KCNB2: variants seen among roughly 807,000 people sequenced by gnomAD.
KCNB2 encodes potassium voltage-gated channel subfamily B member 2, also known as delayed rectifier potassium channel protein.
A neutral mutation model predicts 61.5 loss-of-function variants in KCNB2; 15 were observed. The observed-to-expected ratio is 0.24, with a 90% CI of 0.16 to 0.38. The LOEUF is 0.38. Among genes scored for constraint, KCNB2 ranks in the 10% least tolerant of loss-of-function variants. The probability of loss-of-function intolerance (pLI) is 1.00; values close to 1 mark genes in which losing one functional copy is unlikely to be tolerated. For missense variants in KCNB2, 828 were observed against 1,125.2 expected, an observed-to-expected ratio of 0.74 and a Z score of 3.78; for synonymous variants, 457 against 446.0, an observed-to-expected ratio of 1.02 and a Z score of -0.31.
intron 2 of KCNB2, among the ~76,000 whole-genome samples, chr8:72,815,251 C>T (rs143101754): frequency 6.0e-4 from 91 of 152,088 alleles, no homozygotes; most frequent in African/African-American, 2.0e-3. Context: ...TATTCTGAAA[C>T]GGTTTCTGGG....
chr8:72,717,777 C>A (rs1478248755), intron 2 of KCNB2, among the ~76,000 whole-genome samples: 2 of 152,164 alleles, frequency 1.3e-5, no homozygotes, highest in South Asian at 4.2e-4. Flanking sequence ...ACTAAAACAC[C>A]AAAAGCAATG....
intron 2 of KCNB2, among the ~76,000 whole-genome samples, chr8:72,578,870 C>T (rs1281974466): frequency 6.6e-6 from 1 of 152,182 alleles, no homozygotes; most frequent in Admixed American, 6.5e-5. Context: ...CACTTTGATG[C>T]ATACATTTAA....
At chr8:72,886,123 C>T (rs1805803229) in intron 2 of KCNB2, among the ~76,000 whole-genome samples, 1 of 152,170 alleles carries the variant, frequency 6.6e-6, no homozygotes, top group African/African-American at 2.4e-5. Context: ...TTAGATCAAA[C>T]TCAGTTTAAA....
chr8:72,703,445 TA>T (rs1369524270), intron 2 of KCNB2, among the ~76,000 whole-genome samples: 1 of 152,160 alleles, frequency 6.6e-6, no homozygotes, highest in Non-Finnish European at 1.5e-5. Flanking sequence ...GGTCTAGAGC[TA>T]GGGTGATCTT....
chr8:72,926,826 A>G (rs1347598937), intron 2 of KCNB2, among the ~76,000 whole-genome samples: 1 of 152,204 alleles, frequency 6.6e-6, no homozygotes, highest in Non-Finnish European at 1.5e-5. Context: ...GGCATTAAAA[A>G]TGTATTGTCT....
At chr8:72,913,568 A>G (rs1806338589) in intron 2 of KCNB2, among the ~76,000 whole-genome samples, 1 of 152,132 alleles carries the variant, frequency 6.6e-6, no homozygotes, top group Admixed American at 6.5e-5. Flanking sequence ...CATTCCTCTC[A>G]TCTCAATCCA....
chr8:72,794,381 A>C (rs1195732139), intron 2 of KCNB2, among the ~76,000 whole-genome samples: 1 of 152,014 alleles, frequency 6.6e-6, no homozygotes, highest in East Asian at 1.9e-4. Context: ...CTTGGCCAAC[A>C]TGGTGAAACC....
intron 2 of KCNB2, among the ~76,000 whole-genome samples, chr8:72,634,546 A>G (rs2128985230): frequency 6.6e-6 from 1 of 152,252 alleles, no homozygotes; most frequent in East Asian, 1.9e-4. Context: ...TTTCACACCA[A>G]CTATTGTATC....
chr8:72,762,591 G>A (rs1265480920), intron 2 of KCNB2, among the ~76,000 whole-genome samples: 1 of 151,976 alleles, frequency 6.6e-6, no homozygotes, highest in Non-Finnish European at 1.5e-5. Context: ...ATCTGATAAG[G>A]GATGCATCCC....
chr8:72,775,572 G>A (rs1370233836), intron 2 of KCNB2, among the ~76,000 whole-genome samples: 2 of 152,012 alleles, frequency 1.3e-5, no homozygotes, highest in Non-Finnish European at 2.9e-5. Context: ...ACACAGATGC[G>A]TGACTTGACT....
intron 2 of KCNB2, among the ~76,000 whole-genome samples, chr8:72,720,081 G>A (rs1333004166): frequency 2.0e-5 from 3 of 152,100 alleles, no homozygotes; most frequent in Non-Finnish European, 2.9e-5. Context: ...TTTCAGTCTC[G>A]CATCAACACA....
intron 2 of KCNB2, among the ~76,000 whole-genome samples, chr8:72,682,278 G>GGGT (rs1371674739): frequency 2.6e-5 from 4 of 152,052 alleles, no homozygotes; most frequent in African/African-American, 9.7e-5. Flanking sequence ...AGCTCAACAT[G>GGGT]ACTTACTGGG....
chr8:72,698,085 TATG>T (rs764323496), intron 2 of KCNB2, among the ~76,000 whole-genome samples: 101 of 152,238 alleles, frequency 6.6e-4, no homozygotes, highest in Non-Finnish European at 1.9e-4. Flanking sequence ...TCACTAACAA[TATG>T]ATTCTATACC....
chr8:72,609,873 C>G (rs1181041521), intron 2 of KCNB2, among the ~76,000 whole-genome samples: 2 of 152,168 alleles, frequency 1.3e-5, no homozygotes, highest in African/African-American at 4.8e-5. Flanking sequence ...TGCGCAGACC[C>G]AGGACGTCGT....
At chr8:72,730,967 C>T (rs1321071053) in intron 2 of KCNB2, among the ~76,000 whole-genome samples, 1 of 152,174 alleles carries the variant, frequency 6.6e-6, no homozygotes, top group Non-Finnish European at 1.5e-5. Flanking sequence ...GCTTTCCTGA[C>T]CAGGAAGCCA....
At chr8:72,793,772 G>T (rs1393862292) in intron 2 of KCNB2, among the ~76,000 whole-genome samples, 1 of 152,198 alleles carries the variant, frequency 6.6e-6, no homozygotes, top group Non-Finnish European at 1.5e-5. Context: ...ACGTTAACCA[G>T]TTTAACAGAA....
At chr8:72,550,278 A>G (rs1047396368) in intron 1 of KCNB2, among the ~76,000 whole-genome samples, 1 of 152,208 alleles carries the variant, frequency 6.6e-6, no homozygotes, top group Non-Finnish European at 1.5e-5. Flanking sequence ...ACTGCTTCTT[A>G]TACTCTAACT....
At chr8:72,692,096 C>T (rs1173493987) in intron 2 of KCNB2, among the ~76,000 whole-genome samples, 6 of 151,844 alleles carry the variant, frequency 4.0e-5, no homozygotes, top group Non-Finnish European at 7.4e-5. Flanking sequence ...ATTAGCCAGA[C>T]GTGGTGGTGG....
chr8:72,624,055 C>T (rs890161161), intron 2 of KCNB2, among the ~76,000 whole-genome samples: 6 of 152,196 alleles, frequency 3.9e-5, no homozygotes, highest in African/African-American at 9.7e-5. Context: ...TTACTAGAGA[C>T]GGAATTAGGA....
Sources: allele counts gnomAD v4.1 joint callset (sites outside exome capture counted in the v4.1 genomes callset), GRCh38; gene constraint gnomAD v4.1.1; transcripts MANE v1.5; gene names NCBI Gene and HGNC (gene_info 2026-07-23, HGNC 2026-07-21).